The following CDH12 variants were observed in gnomAD, a reference collection of about 807,000 sequenced individuals.
The protein encoded by CDH12 is cadherin-12.
Under a neutral mutation model 74.1 loss-of-function variants are expected in CDH12, and 41 were observed. The ratio of observed to expected loss-of-function variants is 0.55; its 90% CI spans 0.43 to 0.72. The LOEUF (loss-of-function observed/expected upper bound fraction) is 0.72, where lower values mean the gene tolerates loss of function less well. Among genes scored for constraint, CDH12 ranks in the 30% least tolerant of loss-of-function variants. The pLI is 0.00. For synonymous variants in CDH12, 399 were observed against 355.0 expected (o/e 1.12, Z -1.39); for missense variants, 945 against 977.2 (o/e 0.97, Z 0.44).
At chr5:21,932,452 T>C (rs1190815663) in intron 6 of CDH12, among the ~76,000 whole-genome samples, 1 of 152,214 alleles carries the variant, frequency 6.6e-6, no homozygotes, top group South Asian at 2.1e-4. Context: ...CTACATTCTT[T>C]TGGATAAAAA....
chr5:22,461,707 G>A (rs1395074135), intron 2 of CDH12, among the ~76,000 whole-genome samples: 1 of 151,488 alleles, frequency 6.6e-6, no homozygotes. Flanking sequence ...CATTTACTTT[G>A]CCTCCAATTA....
chr5:22,046,678 A>G (rs1739981932), intron 5 of CDH12, among the ~76,000 whole-genome samples: 1 of 152,166 alleles, frequency 6.6e-6, no homozygotes, highest in Admixed American at 6.6e-5. Flanking sequence ...CACATGGTTG[A>G]AAGATGTTAA....
At chr5:21,978,686 T>C (rs1561343733) in intron 5 of CDH12, among the ~76,000 whole-genome samples, 1 of 152,278 alleles carries the variant, frequency 6.6e-6, no homozygotes, top group South Asian at 2.1e-4. Context: ...ATTCATTCAG[T>C]GAAGTTGAAT....
intron 5 of CDH12, among the ~76,000 whole-genome samples, chr5:22,056,071 T>C (rs957579612): frequency 2.0e-5 from 3 of 152,138 alleles, no homozygotes; most frequent in African/African-American, 4.8e-5. Context: ...TTTAGTACAT[T>C]TTTTATTGTA....
At chr5:22,206,825 G>A (rs1751248626) in intron 4 of CDH12, among the ~76,000 whole-genome samples, 1 of 150,922 alleles carries the variant, frequency 6.6e-6, no homozygotes, top group South Asian at 2.1e-4. Flanking sequence ...AAATACCATA[G>A]AAAAATATGG....
chr5:22,295,284 T>C (rs1188504773), intron 3 of CDH12, among the ~76,000 whole-genome samples: 3 of 152,202 alleles, frequency 2.0e-5, no homozygotes, highest in South Asian at 4.1e-4. Flanking sequence ...ACCATGATAA[T>C]AGAATTCACT....
chr5:22,556,252 G>T (rs915143076), intron 1 of CDH12, among the ~76,000 whole-genome samples: 3 of 151,930 alleles, frequency 2.0e-5, no homozygotes, highest in South Asian at 4.1e-4. Context: ...GGTTGGAAGG[G>T]GACAGACTTC....
intron 4 of CDH12, among the ~76,000 whole-genome samples, chr5:22,180,399 T>C (rs562454565): frequency 6.6e-6 from 1 of 152,290 alleles, no homozygotes; most frequent in South Asian, 2.1e-4. Context: ...TTTTTTTTCC[T>C]TTTACAGTAC....
chr5:22,301,270 A>T (rs2150419860), intron 3 of CDH12, among the ~76,000 whole-genome samples: 1 of 152,344 alleles, frequency 6.6e-6, no homozygotes, highest in South Asian at 2.1e-4. Flanking sequence ...TACCAAAAAA[A>T]ATATTTTATT....
At chr5:22,609,746 C>T (rs72637717) in intron 1 of CDH12, among the ~76,000 whole-genome samples, 9,996 of 152,230 alleles carry the variant, frequency 0.066, 437 homozygotes, top group East Asian at 0.24. Flanking sequence ...TCTAAAAAAA[C>T]ATGAAGGAAA....
Position 22,735,686 on chromosome 5 carries a change from T to G in CDH12, c.-523+117372A>C, listed in dbSNP as rs1744670740. ...GTTAGAACTTCTAAATGAATTGGAA[T>G]TGATCCATCTATTCCTGTAAAAAAT... is the stretch of plus-strand genomic sequence containing the variant. On this transcript the variant is annotated intron_variant, in intron 1 of 14. Transcript: ENST00000382254. Among the ~76,000 whole-genome samples the G allele has an allele frequency of 2.6e-5, 4 of 151,932 alleles. No individual in the cohort carries two copies. The South Asian group carries it at 8.3e-4, about 31-fold the overall frequency.
intron 3 of CDH12, among the ~76,000 whole-genome samples, chr5:22,244,795 A>AGAAG (rs1752887357): frequency 1.9e-5 from 2 of 106,506 alleles, no homozygotes; most frequent in South Asian, 5.4e-4. Flanking sequence ...AAAGAAAGAA[A>AGAAG]GAAAGAAAAA....
At chr5:22,023,404 A>G (rs76234868) in intron 5 of CDH12, among the ~76,000 whole-genome samples, 6,939 of 152,246 alleles carry the variant, frequency 0.046, 183 homozygotes, top group African/African-American at 0.072. Flanking sequence ...TTAAATAAAC[A>G]TGCAAACATG....
At chr5:22,635,497 C>T (rs1292130906) in intron 1 of CDH12, among the ~76,000 whole-genome samples, 1 of 152,078 alleles carries the variant, frequency 6.6e-6, no homozygotes, top group African/African-American at 2.4e-5. Context: ...TTGGATTTCA[C>T]CAATGATAAA....
At chr5:22,354,273 T>TAAGA (rs1169964543) in intron 3 of CDH12, among the ~76,000 whole-genome samples, 1 of 152,154 alleles carries the variant, frequency 6.6e-6, no homozygotes, top group East Asian at 1.9e-4. Flanking sequence ...CAGCCAGGAA[T>TAAGA]TCTTAAAGGA....
chr5:22,135,524 T>G (rs1426741343), intron 4 of CDH12, among the ~76,000 whole-genome samples: 1 of 152,064 alleles, frequency 6.6e-6, no homozygotes, highest in Non-Finnish European at 1.5e-5. Context: ...TAATGAGGAC[T>G]GTTGAAGTCA....
chr5:22,306,271 C>T (rs776152611), intron 3 of CDH12, among the ~76,000 whole-genome samples: 16 of 151,842 alleles, frequency 1.1e-4, no homozygotes, highest in Non-Finnish European at 2.1e-4. Context: ...AAGGAATGCA[C>T]AATTCTAGTG....
At chr5:22,736,769 A>G (rs1040296277) in intron 1 of CDH12, among the ~76,000 whole-genome samples, 47 of 151,942 alleles carry the variant, frequency 3.1e-4, no homozygotes, top group African/African-American at 1.1e-3. Context: ...TAGTTGTCAT[A>G]GCAACATAAT....
chr5:22,028,945 A>C (rs912691980), intron 5 of CDH12, among the ~76,000 whole-genome samples: 9 of 152,196 alleles, frequency 5.9e-5, no homozygotes, highest in Non-Finnish European at 1.2e-4. Context: ...CAGAGCCCTC[A>C]GAAATAACGC....
Sources: allele counts gnomAD v4.1 joint callset (sites outside exome capture counted in the v4.1 genomes callset), GRCh38; gene constraint gnomAD v4.1.1; transcripts MANE v1.5; gene names NCBI Gene and HGNC (gene_info 2026-07-23, HGNC 2026-07-21).